SNTG1: variants seen among roughly 807,000 people sequenced by gnomAD.
SNTG1 encodes the protein gamma-1-syntrophin.
In SNTG1, 39 loss-of-function variants were observed where a neutral mutation model predicts 74.7. The observed-to-expected ratio is 0.52, with a 90% CI of 0.40 to 0.68. The LOEUF (loss-of-function observed/expected upper bound fraction) is 0.68. Among genes scored for constraint, SNTG1 ranks in the 30% least tolerant of loss-of-function variants. The pLI is 0.00. For synonymous variants in SNTG1, 254 were observed against 217.1 expected (o/e 1.17, Z -1.49); for missense variants, 685 against 609.5 (o/e 1.12, Z -1.30).
intron 18 of SNTG1, among the ~76,000 whole-genome samples, chr8:50,788,758 C>T (rs1031670083): frequency 6.6e-6 from 1 of 151,934 alleles, no homozygotes; most frequent in Non-Finnish European, 1.5e-5. Flanking sequence ...CTTTGTATCC[C>T]ACTTAAAACA....
At chr8:50,560,322 C>G (rs1450734310) in intron 12 of SNTG1, among the ~76,000 whole-genome samples, 1 of 152,104 alleles carries the variant, frequency 6.6e-6, no homozygotes, top group Non-Finnish European at 1.5e-5. Context: ...ATTCCTTAAA[C>G]ATCTAGAAAC....
At chr8:50,428,462 G>A (rs1473354887) in intron 4 of SNTG1, among the ~76,000 whole-genome samples, 2 of 152,136 alleles carry the variant, frequency 1.3e-5, no homozygotes, top group African/African-American at 2.4e-5. Flanking sequence ...TATTACAGAT[G>A]CATATTTGCA....
At chr8:50,626,927 T>C (rs991593056) in intron 13 of SNTG1, among the ~76,000 whole-genome samples, 2 of 152,286 alleles carry the variant, frequency 1.3e-5, no homozygotes, top group Middle Eastern at 3.4e-3. Context: ...TTTTGAGTCA[T>C]TGTGGAAAAA....
At chr8:50,180,439 A>T (rs2083159915) in intron 2 of SNTG1, among the ~76,000 whole-genome samples, 1 of 152,232 alleles carries the variant, frequency 6.6e-6, no homozygotes, top group African/African-American at 2.4e-5. Context: ...TACCATACAT[A>T]CAAAAAAGAA....
At chr8:50,294,499 A>G (rs939408056) in intron 2 of SNTG1, among the ~76,000 whole-genome samples, 1 of 152,214 alleles carries the variant, frequency 6.6e-6, no homozygotes, top group African/African-American at 2.4e-5. Flanking sequence ...ATCAGGCTAG[A>G]GACCTGGGAA....
chr8:50,441,254 G>A (rs2093355013), intron 5 of SNTG1, among the ~76,000 whole-genome samples: 1 of 152,122 alleles, frequency 6.6e-6, no homozygotes, highest in Non-Finnish European at 1.5e-5. Flanking sequence ...CAATATTGCT[G>A]TCTCTCTCAA....
intron 8 of SNTG1, among the ~76,000 whole-genome samples, chr8:50,474,012 G>A (rs990641628): frequency 6.6e-6 from 1 of 151,714 alleles, no homozygotes; most frequent in Non-Finnish European, 1.5e-5. Flanking sequence ...GAGGTGCAAC[G>A]GCTCCATGGA....
At chr8:49,910,010 C>T (rs1805501388), upstream of SNTG1, 1 of 152,498 alleles carries the variant, frequency 6.6e-6, no homozygotes, top group Admixed American at 6.5e-5. Context: ...TGTGCCGCCT[C>T]CTCGCCCGTC....
chr8:50,205,283 C>T (rs1185858661), intron 2 of SNTG1, among the ~76,000 whole-genome samples: 4 of 152,168 alleles, frequency 2.6e-5, no homozygotes, highest in Admixed American at 2.0e-4. Context: ...GTGATGGTAT[C>T]TCATTGTGGT....
chr8:49,928,958 G>A (rs1807301803), intron 1 of SNTG1, among the ~76,000 whole-genome samples: 1 of 151,784 alleles, frequency 6.6e-6, no homozygotes, highest in South Asian at 2.1e-4. Context: ...TAATCACAGT[G>A]GAATTGGACA....
chr8:50,276,295 C>T (rs1586928034), intron 2 of SNTG1, among the ~76,000 whole-genome samples: 1 of 151,618 alleles, frequency 6.6e-6, no homozygotes, highest in Non-Finnish European at 1.5e-5. Context: ...ATGTTCTTAG[C>T]AGTATGCTGT....
chr8:50,432,820 C>T (rs964162497), intron 4 of SNTG1, among the ~76,000 whole-genome samples: 2 of 151,504 alleles, frequency 1.3e-5, no homozygotes, highest in Non-Finnish European at 2.9e-5. Flanking sequence ...GAGACTCTGT[C>T]TCACTCTATT....
chr8:50,032,096 T>C (rs1817785905), intron 1 of SNTG1, among the ~76,000 whole-genome samples: 1 of 152,112 alleles, frequency 6.6e-6, no homozygotes, highest in Non-Finnish European at 1.5e-5. Context: ...TAGTAATTCT[T>C]TTTATCCTTT....
chr8:50,592,297 A>T (rs578229397), intron 13 of SNTG1, among the ~76,000 whole-genome samples: 1 of 152,320 alleles, frequency 6.6e-6, no homozygotes, highest in African/African-American at 2.4e-5. Context: ...CCTCTCCAAA[A>T]TAAAAAATGG....
At chr8:50,132,566 A>G (rs552441243) in intron 1 of SNTG1, among the ~76,000 whole-genome samples, 1 of 152,296 alleles carries the variant, frequency 6.6e-6, no homozygotes, top group Admixed American at 6.5e-5. Flanking sequence ...CAACAGGGAA[A>G]ATTCTATTAG....
At chr8:50,597,424 T>TATATAC (rs1291594270) in intron 13 of SNTG1, among the ~76,000 whole-genome samples, 3 of 148,066 alleles carry the variant, frequency 2.0e-5, no homozygotes, top group Non-Finnish European at 3.0e-5. Flanking sequence ...CATATATACA[T>TATATAC]ATATATATGC....
In SNTG1 at chr8:50,554,374, T is replaced by C. The variant is rs28470494; in HGVS notation, c.810+1195T>C. Among the ~76,000 whole-genome samples the C allele has an allele frequency of 6.0e-3, 921 of 152,266 alleles. 12 individuals carry two copies. Among genetic ancestry groups the C allele is most frequent in the African/African-American group, 0.021 (876 of 41,544 alleles). Reference sequence around the variant, plus strand: ...TACCCCTCACTCTTGGTGGATGATATGTTTCTTTCTATAATCTTCAAAACT... The same window carrying C: ...TACCCCTCACTCTTGGTGGATGATACGTTTCTTTCTATAATCTTCAAAACT... On this transcript the variant is annotated intron_variant, in intron 12 of 18. Coordinates refer to ENST00000642720, the MANE Select transcript of SNTG1 (RefSeq NM_018967.5).
intron 1 of SNTG1, among the ~76,000 whole-genome samples, chr8:50,151,792 T>C (rs771732552): frequency 2.6e-5 from 4 of 152,216 alleles, no homozygotes; most frequent in Non-Finnish European, 5.9e-5. Context: ...TTGTAATTTC[T>C]GTTCTTTTAC....
intron 2 of SNTG1, among the ~76,000 whole-genome samples, chr8:50,331,782 G>A (rs1258471120): frequency 6.6e-6 from 1 of 152,176 alleles, no homozygotes; most frequent in Non-Finnish European, 1.5e-5. Flanking sequence ...GATTCTGTGA[G>A]TGAGAGGGAA....
Sources: gnomAD v4.1 joint callset for allele counts (sites outside exome capture counted in the v4.1 genomes callset) on GRCh38, gnomAD v4.1.1 for gene constraint, MANE v1.5 for transcripts, NCBI Gene and HGNC (gene_info 2026-07-23, HGNC 2026-07-21) for gene names.